Variants in THSD7B observed in about 807,000 individuals in gnomAD.
THSD7B encodes thrombospondin type 1 domain containing 7B.
In THSD7B, 138 loss-of-function variants were observed where a neutral mutation model predicts 213.6. The observed-to-expected ratio is 0.65, with a 90% CI of 0.56 to 0.74. The LOEUF (loss-of-function observed/expected upper bound fraction) is 0.74. THSD7B is among the 30% of genes least tolerant of loss of function. THSD7B has a pLI of 0.00. For synonymous variants in THSD7B, 742 were observed against 687.0 expected, an observed-to-expected ratio of 1.08 and a Z score of -1.25; for missense variants, 1,931 against 1,991.5, an observed-to-expected ratio of 0.97 and a Z score of 0.58.
chr2:137,190,280 T>C (rs1680631496), intron 7 of THSD7B, among the ~76,000 whole-genome samples: 1 of 152,206 alleles, frequency 6.6e-6, no homozygotes, highest in Non-Finnish European at 1.5e-5. Context: ...CTATTCCAAA[T>C]CTAGGATGTA....
At chr2:137,189,138 CCACACCA>C (rs1320342860) in intron 7 of THSD7B, among the ~76,000 whole-genome samples, 1 of 152,140 alleles carries the variant, frequency 6.6e-6, no homozygotes, top group Non-Finnish European at 1.5e-5. Flanking sequence ...TCATTTTCCT[CCACACCA>C]CACTCAGTTC....
At chr2:137,022,889 C>G (rs1399758009) in intron 2 of THSD7B, among the ~76,000 whole-genome samples, 1 of 152,100 alleles carries the variant, frequency 6.6e-6, no homozygotes, top group African/African-American at 2.4e-5. Flanking sequence ...ACAAAATCAA[C>G]TATAGATAAT....
chr2:137,089,428 A>ATG (rs1687910801), intron 3 of THSD7B, among the ~76,000 whole-genome samples: 1 of 150,594 alleles, frequency 6.6e-6, no homozygotes, highest in African/African-American at 2.5e-5. Context: ...ATATGTATAT[A>ATG]TGTGTATATA....
chr2:137,356,767 G>A lies in THSD7B; in HGVS notation c.2501-48846G>A, dbSNP rs77044126. On this transcript the variant is annotated intron_variant, in intron 12 of 27. Transcript: ENST00000409968. The stretch of plus-strand genomic sequence containing the variant: ...TCAGCTTCCAGTTGACTCTTGAACT[G>A]AATACACCTTTTAGGTAAGCCCAGG... Among the ~76,000 whole-genome samples, 34 of 152,280 alleles carry A rather than the reference G, an allele frequency of 2.2e-4. No homozygotes were observed. The East Asian group carries it at 6.6e-3, about 29-fold the overall frequency.
At chr2:137,567,914 G>C (rs1681272527) in intron 16 of THSD7B, among the ~76,000 whole-genome samples, 1 of 152,106 alleles carries the variant, frequency 6.6e-6, no homozygotes, top group Admixed American at 6.6e-5. Flanking sequence ...AGAAGAAATT[G>C]AGTCCTGGGG....
intron 21 of THSD7B, among the ~76,000 whole-genome samples, chr2:137,645,137 G>A (rs1683006702): frequency 6.6e-6 from 1 of 152,054 alleles, no homozygotes; most frequent in African/African-American, 2.4e-5. Context: ...TATATAGTGG[G>A]GATAGCAGTA....
intron 5 of THSD7B, among the ~76,000 whole-genome samples, chr2:137,148,782 G>A (rs527618860): frequency 2.6e-5 from 4 of 152,104 alleles, no homozygotes; most frequent in African/African-American, 4.8e-5. Flanking sequence ...GAAGAAATTT[G>A]CAGCAAAGTG....
intron 17 of THSD7B, among the ~76,000 whole-genome samples, chr2:137,586,824 T>C (rs1172385066): frequency 6.6e-6 from 1 of 152,206 alleles, no homozygotes; most frequent in Non-Finnish European, 1.5e-5. Context: ...TTGGAGTTGC[T>C]CTCCTTGAGG....
intron 6 of THSD7B, among the ~76,000 whole-genome samples, chr2:137,169,783 A>G (rs1253672409): frequency 6.6e-6 from 1 of 152,146 alleles, no homozygotes; most frequent in Non-Finnish European, 1.5e-5. Flanking sequence ...ATTTACACTA[A>G]AGGGTTCAAT....
At chr2:136,896,048 G>A (rs751414470) in intron 2 of THSD7B, among the ~76,000 whole-genome samples, 17 of 152,152 alleles carry the variant, frequency 1.1e-4, no homozygotes, top group Non-Finnish European at 2.4e-4. Context: ...GGATAATGCT[G>A]TTATGGGCAT....
At chr2:136,989,451 A>G (rs188470228) in intron 2 of THSD7B, among the ~76,000 whole-genome samples, 39 of 151,766 alleles carry the variant, frequency 2.6e-4, no homozygotes, top group Admixed American at 1.7e-3. Flanking sequence ...CTCTCTTCCT[A>G]TGTGATACAC....
At chr2:136,889,102 T>C (rs564092192) in intron 2 of THSD7B, among the ~76,000 whole-genome samples, 1 of 152,218 alleles carries the variant, frequency 6.6e-6, no homozygotes, top group Admixed American at 6.5e-5. Context: ...GTCAAACTTA[T>C]AAATCAGTAA....
chr2:137,124,824 A>G (rs1051069075), intron 5 of THSD7B, among the ~76,000 whole-genome samples: 1 of 152,204 alleles, frequency 6.6e-6, no homozygotes, highest in African/African-American at 2.4e-5. Flanking sequence ...GCTATTTAAC[A>G]TATGCATTGC....
Position 137,090,414 on chromosome 2 carries a change from A to T in THSD7B, c.951-4459A>T, listed in dbSNP as rs575483624. Among the ~76,000 whole-genome samples, 5 of 152,286 alleles carry T rather than the reference A, an allele frequency of 3.3e-5. No homozygotes were observed. The South Asian group carries it at 1.0e-3, about 32-fold the overall frequency. On this transcript the variant is annotated intron_variant, in intron 3 of 27. Transcript: ENST00000409968. ...TATTTTTCTATATGTGCGATGTATGATATAAAAGTAGTGGTAAATGGAATG... is the reference window on the plus strand; with the variant it reads ...TATTTTTCTATATGTGCGATGTATGTTATAAAAGTAGTGGTAAATGGAATG...
At chr2:136,766,233 G>C (rs1681387360) in intron 1 of THSD7B, among the ~76,000 whole-genome samples, 1 of 152,324 alleles carries the variant, frequency 6.6e-6, no homozygotes, top group Middle Eastern at 3.4e-3. Context: ...GAGGATAGCT[G>C]AGCAAGCCAA....
intron 1 of THSD7B, among the ~76,000 whole-genome samples, chr2:136,845,793 T>C (rs1260112281): frequency 1.3e-5 from 2 of 152,234 alleles, no homozygotes; most frequent in African/African-American, 2.4e-5. Context: ...TCTGTAAGCA[T>C]GAACTTGAAG....
At chr2:137,403,483 A>T (rs1686422284) in intron 12 of THSD7B, among the ~76,000 whole-genome samples, 1 of 152,202 alleles carries the variant, frequency 6.6e-6, no homozygotes, top group Admixed American at 6.5e-5. Flanking sequence ...TGTTCCTTTC[A>T]CATAGCAGAT....
intron 7 of THSD7B, among the ~76,000 whole-genome samples, chr2:137,201,265 G>T (rs1680869418): frequency 6.6e-6 from 1 of 152,088 alleles, no homozygotes; most frequent in African/African-American, 2.4e-5. Flanking sequence ...AAACATTCTG[G>T]GGTGTGTGTG....
chr2:137,034,085 G>T (rs554298579), intron 2 of THSD7B, among the ~76,000 whole-genome samples: 1 of 152,202 alleles, frequency 6.6e-6, no homozygotes, highest in East Asian at 1.9e-4. Context: ...TGCTGAGAAT[G>T]ATGGTCTCCA....
Sources: allele counts gnomAD v4.1 joint callset (sites outside exome capture counted in the v4.1 genomes callset), GRCh38; gene constraint gnomAD v4.1.1; transcripts MANE v1.5; gene names NCBI Gene and HGNC (gene_info 2026-07-23, HGNC 2026-07-21).